The following RGL3 variants were observed in gnomAD, a reference collection of about 807,000 sequenced individuals.
The protein encoded by RGL3 is ral guanine nucleotide dissociation stimulator-like 3.
RGL3 carries 85 observed loss-of-function variants against 90.6 expected under a neutral mutation model. That is an observed-to-expected ratio of 0.94 (90% CI 0.79 to 1.12). The LOEUF (loss-of-function observed/expected upper bound fraction) is 1.12, where lower values mean the gene tolerates loss of function less well. RGL3 is among the 50% of genes most tolerant of loss of function. The probability of loss-of-function intolerance (pLI) is 0.00; values close to 1 mark genes in which losing one functional copy is unlikely to be tolerated. For synonymous variants in RGL3, 408 were observed against 385.5 expected (o/e 1.06, Z -0.68); for missense variants, 1,034 against 939.2 (o/e 1.10, Z -1.32).
Position 11,402,759 on chromosome 19 carries a change from C to T in RGL3, c.1186-53G>A. The T allele has an allele frequency of 2.0e-6, 3 of 1,492,310 alleles. No individual in the cohort carries two copies. The South Asian group carries it at 3.4e-5, about 17-fold the overall frequency. 92.4% of individuals were successfully genotyped at this position (1,492,310 alleles called of 1,614,324 possible). A position where few individuals can be genotyped will look rare whatever the true frequency, so the allele number is the denominator to read the frequency against. On this transcript the variant is annotated intron_variant, in intron 9 of 18. Transcript: ENST00000380456. ...TCTGGGGTCTCCTTGGACAATTCCT[C>T]AGGAACGATGCCTGCAGACCCATCA...
intron 18 of RGL3, among the ~76,000 whole-genome samples, chr19:11,396,152 ATATATATTTT>A (rs1968565664): frequency 7.5e-5 from 5 of 66,916 alleles, no homozygotes; most frequent in African/African-American, 3.5e-4. Flanking sequence ...ATATATATAT[ATATATATTTT>A]TTTTTTTTTT....
chr19:11,400,526 G>A (rs1968656377), intron 13 of RGL3, among the ~76,000 whole-genome samples: 2 of 151,930 alleles, frequency 1.3e-5, no homozygotes, highest in African/African-American at 4.8e-5. Context: ...TTCACAGGGT[G>A]GCACTAAGGA....
chr19:11,412,474 C>G, intron 5 of RGL3, among the ~76,000 whole-genome samples: 1 of 152,004 alleles, frequency 6.6e-6, no homozygotes, highest in Admixed American at 6.6e-5. Flanking sequence ...TTGTATATGT[C>G]TGAAATTTTC....
chr19:11,397,154 C>T (rs147275215), intron 18 of RGL3, 90 bp downstream of exon 18: 77 of 1,069,764 alleles, frequency 7.2e-5, no homozygotes, highest in Non-Finnish European at 9.9e-5. Flanking sequence ...CCTGTGAACC[C>T]GGGTAACCTT....
At chr19:11,401,465 G>A (rs1165010631) in intron 13 of RGL3, among the ~76,000 whole-genome samples, 3 of 149,054 alleles carry the variant, frequency 2.0e-5, no homozygotes, top group East Asian at 2.0e-4. Flanking sequence ...GCACCATCTC[G>A]GCTCCCTGCA....
At chr19:11,405,113 G>C (rs763164754) in intron 9 of RGL3, 34 bp downstream of exon 9, 3 of 1,584,888 alleles carry the variant, frequency 1.9e-6, no homozygotes, top group Non-Finnish European at 2.6e-6. Flanking sequence ...GACTTCCCGG[G>C]CCTAAAATCC....
chr19:11,396,152 ATATATATT>A (rs1568334102), intron 18 of RGL3, among the ~76,000 whole-genome samples: 5 of 66,916 alleles, frequency 7.5e-5, no homozygotes, highest in African/African-American at 3.5e-4. Flanking sequence ...ATATATATAT[ATATATATT>A]TTTTTTTTTT....
In RGL3 at chr19:11,406,443, C is replaced by T; in HGVS notation, c.972G>A (p.Leu324=). Residue 324 remains leucine (L), a synonymous_variant, in exon 7 of 19, where the codon CTG becomes CTA. Transcript: ENST00000380456. ...CCTGGGCGATGCGGATCCACTTCTC[C>T]AGCCGCTGCGCCCTCTGCGGGGCGG... ...GLAAPQRAQR[L]EKWIRIAQRC... is the part of the protein sequence containing the mutation. 1.3e-6 allele frequency: 2 copies of T among 1,542,958 alleles called. No individual in the cohort carries two copies. Among genetic ancestry groups the T allele is most frequent in the Non-Finnish European group, 1.7e-6 (2 of 1,148,224 alleles).
rs577448123 is a variant in RGL3 at position 11,414,517 on chromosome 19, A to C, written c.637+1420T>G. On this transcript the variant is annotated intron_variant, in intron 5 of 18. Transcript: ENST00000380456. ...TATATATATATATATATATATATAT[A>C]TATATATATATACCTTTATATATAT... Among the ~76,000 whole-genome samples the C allele has an allele frequency of 2.3e-4, 26 of 112,188 alleles. 3 individuals are homozygous for C. The highest frequency in any genetic ancestry group is 9.2e-4 in the African/African-American group (25 of 27,110). 73.6% of individuals were successfully genotyped at this position (112,188 alleles called of 152,430 possible).
chr19:11,419,018 TA>T, intron 1 of RGL3: 1 of 645,802 alleles, frequency 1.5e-6, no homozygotes, highest in Non-Finnish European at 2.7e-6. Flanking sequence ...GGGCCCAGTC[TA>T]ATAGAACCTG....
At chr19:11,407,911 C>A (rs574694111) in intron 5 of RGL3, among the ~76,000 whole-genome samples, 1 of 150,708 alleles carries the variant, frequency 6.6e-6, no homozygotes, top group Non-Finnish European at 1.5e-5. Context: ...GTCTTGAACT[C>A]CTGACCTCAA....
intron 5 of RGL3, chr19:11,411,208 C>CCAAA (rs1172368549): frequency 2.1e-5 from 1 of 46,972 alleles, no homozygotes; most frequent in Admixed American, 2.2e-4. Context: ...GACTCCATCT[C>CCAAA]AAAAAAAAAA....
chr19:11,416,776 G>C lies in RGL3; in HGVS notation c.371+60C>G, dbSNP rs568405079. ...CAGGTTCCACACCTGAGGAGGTGGA[G>C]GGGGGTGCCCAGTTGGGGTTCTAGG... On this transcript the variant is annotated intron_variant, in intron 3 of 18. Transcript: ENST00000380456. 28 of 1,592,150 alleles carry C rather than the reference G, an allele frequency of 1.8e-5. No homozygotes were observed. The African/African-American group carries it at 2.4e-4, about 14-fold the overall frequency.
Position 11,419,271 on chromosome 19 carries a change from C to T in RGL3, c.8G>A (p.Arg3His), listed in dbSNP as rs201756334. Residue 3 changes from arginine to histidine, a missense_variant, in exon 1 of 19, where the codon CGC becomes CAC. Physicochemically the swap from Arg to His is conservative, Grantham distance 29 (BLOSUM62 0). Coordinates refer to ENST00000380456, the MANE Select transcript of RGL3 (RefSeq NM_001035223.4). ME[R>H]TAGKELALAP... is the part of the protein sequence containing the mutation. The stretch of plus-strand genomic sequence containing the variant: ...CAGGGCCAGCTCTTTGCCTGCTGTG[C>T]GCTCCATGGCCGGCGCCCGTCCCTC... 1.3e-6 allele frequency: 2 copies of T among 1,582,144 alleles called. No individual in the cohort carries two copies. The highest frequency in any genetic ancestry group is 8.6e-7 in the Non-Finnish European group (1 of 1,165,870).
chr19:11,405,566 G>A, intron 7 of RGL3, 140 bp from the exon 8 acceptor site: 1 of 669,448 alleles, frequency 1.5e-6, no homozygotes, highest in South Asian at 2.2e-5. Context: ...GGCCCAGGCT[G>A]GAGTGCAGTG....
rs1317606290 is a variant in RGL3 at position 11,405,421 on chromosome 19, G to C, written c.1002C>G (p.Cys334Trp). The C allele has an allele frequency of 6.3e-7, 1 of 1,580,678 alleles. No homozygotes were observed. Among genetic ancestry groups the C allele is most frequent in the African/African-American group, 1.4e-5 (1 of 73,762 alleles). ...AGGAGGAGAAGTTCCGCAGTTCTCG[G>C]CAGCGCTGCCAGGCGGTGGGGACGC... ...LEKWIRIAQR[C>W]RELRNFSSLR... Residue 334 changes from cysteine (C) to tryptophan (W), a missense_variant, in exon 8 of 19, where the codon TGC becomes TGG. Cys to Trp is a radical substitution (Grantham distance 215). Transcript: ENST00000380456.
intron 18 of RGL3, among the ~76,000 whole-genome samples, chr19:11,395,710 C>G (rs1968552607): frequency 6.6e-6 from 1 of 152,064 alleles, no homozygotes; most frequent in African/African-American, 2.4e-5. Flanking sequence ...TCACTGCAAC[C>G]TTCACCTCCT....
rs896320939 is a variant in RGL3, at chr19:11,401,562, A to AT, written c.1484+448dup. Among the ~76,000 whole-genome samples the AT allele has an allele frequency of 3.3e-3, 488 of 147,898 alleles. 3 individuals carry two copies. The highest frequency in any genetic ancestry group is 0.011 in the African/African-American group (436 of 40,418). Reference sequence around the variant, plus strand: ...AGGCGCCTGCCACTACACCTGGCTAATTTTTTTTTTGTATTTTTAGTAGAG... The same window carrying AT: ...AGGCGCCTGCCACTACACCTGGCTAATTTTTTTTTTTGTATTTTTAGTAGAG... On this transcript the variant is annotated intron_variant, in intron 13 of 18. Transcript: ENST00000380456.
intron 18 of RGL3, among the ~76,000 whole-genome samples, chr19:11,396,122 CTCTCTCTCTCTCTCTATA>C (rs1324564300): frequency 5.3e-5 from 3 of 56,534 alleles, no homozygotes; most frequent in African/African-American, 2.5e-4. Context: ...CTCTCTCTCT[CTCTCTCTCTCTCTCTATA>C]TATATATATA....
Sources: allele counts gnomAD v4.1 joint callset (sites outside exome capture counted in the v4.1 genomes callset), GRCh38; gene constraint gnomAD v4.1.1; transcripts MANE v1.5; gene names NCBI Gene and HGNC (gene_info 2026-07-23, HGNC 2026-07-21).